DHX34: variants seen among roughly 807,000 people sequenced by gnomAD.
The protein encoded by DHX34 is probable ATP-dependent RNA helicase DHX34.
Under a neutral mutation model 111.1 loss-of-function variants are expected in DHX34, and 96 were observed. The ratio of observed to expected loss-of-function variants is 0.86; its 90% CI spans 0.73 to 1.02. The LOEUF (loss-of-function observed/expected upper bound fraction) is 1.02. DHX34 is among the 50% of genes least tolerant of loss of function. DHX34 has a pLI of 0.00. For synonymous variants in DHX34, 688 were observed against 670.4 expected (o/e 1.03, Z -0.41); for missense variants, 1,560 against 1,579.9 (o/e 0.99, Z 0.21).
chr19:47,375,678 C>G lies in DHX34; in HGVS notation c.2277C>G (p.Pro759=), dbSNP rs1407228609. Residue 759 remains proline (P), a synonymous_variant, in exon 10 of 17, where the codon CCC becomes CCG. Coordinates refer to ENST00000328771, the MANE Select transcript of DHX34 (RefSeq NM_014681.6). ...SSDEDRAGPA[P]PGASDGVDIQ... is the part of the protein sequence containing the mutation. ...ACGAGGACAGGGCTGGCCCAGCCCC[C>G]CCAGGGGCCAGTGATGGCGTGGACA... 1 of 1,557,866 alleles carries G rather than the reference C, an allele frequency of 6.4e-7. No homozygotes were observed. Among genetic ancestry groups the G allele is most frequent in the Admixed American group, 2.0e-5 (1 of 50,252 alleles).
At position 47,380,897 on chromosome 19, in the gene DHX34, C is replaced by A. The variant is rs1428055261; in HGVS notation, c.3064C>A (p.His1022Asn). The change falls in exon 15 of 17, where the codon CAT becomes AAT. Residue 1022 changes from histidine to asparagine, a missense_variant. Transcript: ENST00000328771. ...VGPQTIPATPHLPGLFGSSTL... is the reference protein window; with the variant it reads ...VGPQTIPATPNLPGLFGSSTL... ...ACCCCAGACCATCCCAGCCACCCCC[C>A]ATCTTCCTGGCCTCTTTGGCAGCTC... 1.9e-6 allele frequency: 3 copies of A among 1,613,702 alleles called. No individual in the cohort carries two copies. The highest frequency in any genetic ancestry group is 1.7e-5 in the Admixed American group (1 of 59,948).
rs149264949 is a variant in DHX34, at chr19:47,362,640, C to T, written c.1540C>T (p.Pro514Ser). The change falls in exon 6 of 17, where the codon CCC (proline) becomes TCC (serine). Residue 514 changes from proline (P) to serine (S), a missense_variant. Physicochemically the swap from Pro to Ser is moderately conservative, Grantham distance 74. Transcript: ENST00000328771. ...CGAATCGGACTATGATGCCTTCGCC[C>T]CCTACCCCGTCCCAGAAATTCGGAG... ...YAESDYDAFAPYPVPEIRRVA... is the reference protein window; with the variant it reads ...YAESDYDAFASYPVPEIRRVA... 507 of 1,613,622 alleles carry T rather than the reference C, an allele frequency of 3.1e-4. No homozygotes were observed. Among genetic ancestry groups the T allele is most frequent in the Admixed American group, 7.2e-4 (43 of 60,002 alleles).
intron 1 of DHX34, among the ~76,000 whole-genome samples, chr19:47,350,527 G>A (rs1969254192): frequency 6.6e-6 from 1 of 151,486 alleles, no homozygotes; most frequent in Non-Finnish European, 1.5e-5. Flanking sequence ...GTTCAAGCGA[G>A]TCTCCTGCCT....
chr19:47,377,623 CG>C (rs964141884), intron 13 of DHX34, among the ~76,000 whole-genome samples: 8 of 151,520 alleles, frequency 5.3e-5, no homozygotes, highest in Non-Finnish European at 1.2e-4. Flanking sequence ...GTGTGGATCT[CG>C]GGGCAGAGTG....
At chr19:47,378,024 C>T (rs1253935123) in intron 13 of DHX34, among the ~76,000 whole-genome samples, 3 of 151,134 alleles carry the variant, frequency 2.0e-5, no homozygotes, top group African/African-American at 2.4e-5. Flanking sequence ...CAGGCAGGGG[C>T]GGGGATACGT....
intron 6 of DHX34, 147 bp downstream of exon 6, chr19:47,362,840 G>A: frequency 1.3e-6 from 1 of 754,710 alleles, no homozygotes; most frequent in Non-Finnish European, 1.9e-6. Context: ...CTGTGATCAT[G>A]GCTCACTGCA....
In DHX34 at chr19:47,375,722, G is replaced by A. The variant is rs111451207; in HGVS notation, c.2307+14G>A. ...GTGGACATCCAGGTGGGCGCCATGGGCTGTGGGGTGTGGGGGTTTACCAAG... is the reference window on the plus strand; with the variant it reads ...GTGGACATCCAGGTGGGCGCCATGGACTGTGGGGTGTGGGGGTTTACCAAG... On this transcript the variant is annotated intron_variant, in intron 10 of 16. Transcript: ENST00000328771. 42,416 of 1,562,186 alleles carry A rather than the reference G, an allele frequency of 0.027. 725 individuals carry two copies. The highest frequency in any genetic ancestry group is 0.046 in the Middle Eastern group (239 of 5,194).
chr19:47,370,617 T>C (rs766072265), intron 7 of DHX34, among the ~76,000 whole-genome samples: 3 of 152,240 alleles, frequency 2.0e-5, no homozygotes, highest in Non-Finnish European at 4.4e-5. Context: ...GGCAGGAGGC[T>C]GGATCCGCTG....
intron 9 of DHX34, among the ~76,000 whole-genome samples, chr19:47,374,176 C>T (rs1409427298): frequency 2.0e-5 from 3 of 152,130 alleles, no homozygotes; most frequent in Admixed American, 6.5e-5. Flanking sequence ...TGGTGGCTCA[C>T]GCCTATAATC....
chr19:47,373,628 C>A lies in DHX34; in HGVS notation c.1992C>A (p.Arg664=). 2.5e-6 allele frequency: 4 copies of A among 1,613,976 alleles called. No individual in the cohort carries two copies. Among genetic ancestry groups the A allele is most frequent in the African/African-American group, 1.3e-5 (1 of 75,064 alleles). The change falls in exon 9 of 17, where the codon CGC becomes CGA. Residue 664 remains arginine, a synonymous_variant. Transcript: ENST00000328771. ...AATCTGAACGGAGCAGAAACTCTCG[C>A]AAGTGGTGCCGCCGCCGGGGCATAG... is the stretch of plus-strand genomic sequence containing the variant. ...QVKSERSRNS[R]KWCRRRGIEE...
In DHX34 at chr19:47,353,882, T is replaced by C; in HGVS notation, c.705+147T>C. ...CTAGAACTTTATCCACAGAGTGGCT[T>C]GTCTGTGGTCTACATGACAAAGGAG... On this transcript the variant is annotated intron_variant, in intron 2 of 16. Coordinates refer to ENST00000328771, the MANE Select transcript of DHX34 (RefSeq NM_014681.6). The surrounding 1 kb of genome is among the most constrained non-coding windows in gnomAD (Gnocchi z 4.6). The C allele has an allele frequency of 1.3e-6, 1 of 796,428 alleles. No homozygotes were observed. Among genetic ancestry groups the C allele is most frequent in the Non-Finnish European group, 1.9e-6 (1 of 520,556 alleles). 49.3% of individuals were successfully genotyped at this position (796,428 alleles called of 1,614,324 possible). A position where few individuals can be genotyped will look rare whatever the true frequency, so the allele number is the denominator to read the frequency against.
At chr19:47,377,040 G>A (rs1970186353) in intron 12 of DHX34, 60 bp from the exon 13 acceptor site, 5 of 1,611,246 alleles carry the variant, frequency 3.1e-6, no homozygotes, top group Non-Finnish European at 2.5e-6. Flanking sequence ...GGGACAGGCG[G>A]GCTTCTGATG....
At chr19:47,380,733 G>A in intron 14 of DHX34, 83 bp from the exon 15 acceptor site, 1 of 1,579,026 alleles carries the variant, frequency 6.3e-7, no homozygotes, top group Non-Finnish European at 8.6e-7. Flanking sequence ...CCGAGGGAGG[G>A]CTTCAGGCAC....
chr19:47,368,323 T>G lies in DHX34; in HGVS notation c.1768+1168T>G, dbSNP rs1265824034. 1.1e-4 allele frequency among the ~76,000 whole-genome samples: 7 copies of G among 62,960 alleles called. No individual in the cohort carries two copies. The East Asian group carries it at 3.4e-3, about 31-fold the overall frequency. 41.3% of individuals were successfully genotyped at this position (62,960 alleles called of 152,430 possible). On this transcript the variant is annotated intron_variant, in intron 7 of 16. Coordinates refer to ENST00000328771, the MANE Select transcript of DHX34 (RefSeq NM_014681.6). ...CTTTTTTTTTTTTTTTTTTTTTTTT[T>G]GAGACTGAGTTTCGCTCTTGTTGCC...
intron 6 of DHX34, among the ~76,000 whole-genome samples, chr19:47,363,165 A>G (rs1011048502): frequency 1.3e-5 from 2 of 151,994 alleles, no homozygotes; most frequent in African/African-American, 4.8e-5. Context: ...CATGTTAGCC[A>G]GGATGGTCTT....
rs1568398343 is a variant in DHX34 at position 47,362,566 on chromosome 19, A to AGGGCCGGGC, written c.1473_1481dup (p.Ala492_Arg494dup). 1.9e-6 allele frequency: 3 copies of AGGGCCGGGC among 1,613,412 alleles called. No homozygotes were observed. Among genetic ancestry groups the AGGGCCGGGC allele is most frequent in the Non-Finnish European group, 1.7e-6 (2 of 1,179,788 alleles). ...AGTCAGGCCAGCGCAGAGCAGCGGA[A>AGGGCCGGGC]GGGCCGGGCGGGCCGCACGGGCCCC... On this transcript the variant is annotated inframe_insertion, in exon 6 of 17. Coordinates refer to ENST00000328771, the MANE Select transcript of DHX34 (RefSeq NM_014681.6).
At chr19:47,362,003 G>T (rs1969645030) in intron 5 of DHX34, among the ~76,000 whole-genome samples, 1 of 151,926 alleles carries the variant, frequency 6.6e-6, no homozygotes. Flanking sequence ...GTGAGTGAAA[G>T]GCTGGGTGCA....
At chr19:47,379,290 C>T (rs1970272988) in intron 13 of DHX34, among the ~76,000 whole-genome samples, 1 of 152,152 alleles carries the variant, frequency 6.6e-6, no homozygotes, top group African/African-American at 2.4e-5. Context: ...TGCCCTGGCC[C>T]CAGCCCTGAG....
At position 47,381,239 on chromosome 19, in the gene DHX34, CTG is replaced by C; in HGVS notation, c.3216_3217del (p.Cys1072TrpfsTer15). ...TCCGAACCTTCTGGACCTGCCCCCA[CTG>C]TGGCCTGCATGCGCCCCTCACGCCC... ...CLRTFWTCPH[C>X]GLHAPLTPLE... On this transcript the variant is annotated frameshift_variant, in exon 16 of 17. Transcript: ENST00000328771. LOFTEE classifies it high-confidence loss of function. The C allele has an allele frequency of 6.2e-7, 1 of 1,614,100 alleles. No individual in the cohort carries two copies. Among genetic ancestry groups the C allele is most frequent in the Admixed American group, 1.7e-5 (1 of 60,026 alleles).
Sources: gnomAD v4.1 joint callset for allele counts (sites outside exome capture counted in the v4.1 genomes callset) on GRCh38, gnomAD v4.1.1 for gene constraint, Gnocchi (gnomAD v3.1) non-coding constraint, MANE v1.5 for transcripts, NCBI Gene and HGNC (gene_info 2026-07-23, HGNC 2026-07-21) for gene names.